Variants in TTN observed in about 807,000 individuals in gnomAD.
TTN encodes titin.
TTN carries 1,525 observed loss-of-function variants against 3,223.0 expected under a neutral mutation model. The ratio of observed to expected loss-of-function variants is 0.47; its 90% CI spans 0.45 to 0.49. The LOEUF (loss-of-function observed/expected upper bound fraction) is 0.49, where lower values mean the gene tolerates loss of function less well. TTN is among the 20% of genes least tolerant of loss of function. The pLI is 0.00. For missense variants in TTN, 40,786 were observed against 43,424.0 expected (o/e 0.94, Z 5.40); for synonymous variants, 14,094 against 15,161.0 (o/e 0.93, Z 5.17).
intron 1 of TTN, among the ~76,000 whole-genome samples, chr2:178,806,700 ATAAACTCTCC>A (rs1561556277): frequency 6.6e-6 from 1 of 152,218 alleles, no homozygotes; most frequent in African/African-American, 2.4e-5. Context: ...TGCTCTTAAA[ATAAACTCTCC>A]TAAACTCTCC....
rs1333936605 is a variant in TTN, at chr2:178,706,416, G to A, written c.29420+38C>T. 3 of 1,559,408 alleles carry A rather than the reference G, an allele frequency of 1.9e-6. No individual in the cohort carries two copies. The South Asian group carries it at 3.6e-5, about 19-fold the overall frequency. ...TGGATGCGGAACCCACTTATATGGA[G>A]GGCTGATTGTACGATTTGTGGTTTT... On this transcript the variant is annotated intron_variant, in intron 102 of 362. Transcript: ENST00000589042.
Position 178,603,902 on chromosome 2 carries a change from T to C in TTN, c.54785A>G (p.Asp18262Gly). Reference sequence around the variant, plus strand: ...TATGGGATCTCCTGCAACCTCTGGATCTGATGGTTCACTGGGAGGACCAAT... The same window carrying C: ...TATGGGATCTCCTGCAACCTCTGGACCTGATGGTTCACTGGGAGGACCAAT... ...AGIGPPSEPSDPEVAGDPIFP... is the reference protein window; with the variant it reads ...AGIGPPSEPSGPEVAGDPIFP... Residue 18262 changes from aspartate to glycine, a missense_variant, in exon 282 of 363, where the codon GAT becomes GGT. Coordinates refer to ENST00000589042, the MANE Select transcript of TTN (RefSeq NM_001267550.2). 1 of 1,609,446 alleles carries C rather than the reference T, an allele frequency of 6.2e-7. No individual in the cohort carries two copies. The highest frequency in any genetic ancestry group is 2.2e-5 in the East Asian group (1 of 44,642).
chr2:178,586,732 G>A lies in TTN; in HGVS notation c.64169C>T (p.Pro21390Leu), dbSNP rs763262121. ...GATTTTAGCACCTCCATCACGTAGG[G>A]GAGGTAACCAGGCTAAGGTGGCACT... Reference protein sequence around the residue: ...KNSATLAWLPPLRDGGAKIDG... With the variant: ...KNSATLAWLPLLRDGGAKIDG... The change falls in exon 308 of 363, where the codon CCC becomes CTC. Residue 21390 changes from proline (P) to leucine (L), a missense_variant. Coordinates refer to ENST00000589042, the MANE Select transcript of TTN (RefSeq NM_001267550.2). The A allele has an allele frequency of 6.2e-6, 10 of 1,612,986 alleles. No individual in the cohort carries two copies. The highest frequency in any genetic ancestry group is 7.6e-6 in the Non-Finnish European group (9 of 1,179,348).
At chr2:178,726,671 T>G (rs1205713634) in intron 69 of TTN, 1 of 155,046 alleles carries the variant, frequency 6.4e-6, no homozygotes, top group Non-Finnish European at 1.4e-5. Flanking sequence ...GTTTTAAACA[T>G]AAGTTTAAAA....
chr2:178,684,274 T>C, intron 132 of TTN, 56 bp downstream of exon 132: 1 of 1,565,528 alleles, frequency 6.4e-7, no homozygotes, highest in Non-Finnish European at 8.7e-7. Flanking sequence ...ACCAGTGTAT[T>C]TGGTAAAGAG....
At position 178,731,186 on chromosome 2, in the gene TTN, C is replaced by T. The variant is rs753975878; in HGVS notation, c.17479G>A (p.Glu5827Lys). The T allele has an allele frequency of 1.7e-5, 27 of 1,613,034 alleles. No homozygotes were observed. The highest frequency in any genetic ancestry group is 4.4e-5 in the South Asian group (4 of 91,024). The change falls in exon 60 of 363, where the codon GAG becomes AAG. Residue 5827 changes from glutamate (E) to lysine (K), a missense_variant. Coordinates refer to ENST00000589042, the MANE Select transcript of TTN (RefSeq NM_001267550.2). ...GTGACATCTATAGACACAGCTTCCT[C>T]GGTGATTGTTGCAGGTTCTGTAGAA... Reference protein sequence around the residue: ...LSVKEPATITEEAVSIDVTQG... With the variant: ...LSVKEPATITKEAVSIDVTQG...
At chr2:178,753,381 A>G (rs1161865565) in intron 46 of TTN, 5 of 459,190 alleles carry the variant, frequency 1.1e-5, no homozygotes, top group Non-Finnish European at 1.6e-5. Context: ...GATTTAAAAC[A>G]TTTTTATTTT....
In TTN at chr2:178,740,653, T is replaced by A. The variant is rs34618570; in HGVS notation, c.12580A>T (p.Ile4194Phe). ...IFPSAMSIEQ[I>F]NSLTVEPLKT... The stretch of plus-strand genomic sequence containing the variant: ...AGAGGCTCAACTGTTAATGAATTAA[T>A]TTGTTCTATGGACATGGCACTTGGG... The change falls in exon 48 of 363, where the codon ATT becomes TTT. Residue 4194 changes from isoleucine (I) to phenylalanine (F), a missense_variant. Physicochemically the swap from Ile to Phe is conservative, Grantham distance 21. Coordinates refer to ENST00000589042, the MANE Select transcript of TTN (RefSeq NM_001267550.2). 10,980 of 1,613,854 alleles carry A rather than the reference T, an allele frequency of 6.8e-3. 68 individuals are homozygous for A. Among genetic ancestry groups the A allele is most frequent in the Non-Finnish European group, 7.0e-3 (8,231 of 1,179,812 alleles).
At chr2:178,663,949 T>C in intron 169 of TTN, 47 bp from the exon 170 acceptor site, 1 of 1,611,802 alleles carries the variant, frequency 6.2e-7, no homozygotes, top group Non-Finnish European at 8.5e-7. Context: ...TGAAGACCGC[T>C]AGAAAAAAAT....
rs753861250 is a variant in TTN, at chr2:178,560,550, C to T, written c.85582G>A (p.Val28528Ile). 2.5e-6 allele frequency: 4 copies of T among 1,613,188 alleles called. No homozygotes were observed. The highest frequency in any genetic ancestry group is 3.3e-5 in the Admixed American group (2 of 59,940). ...GNEYIFRVTG[V>I]NKYGVGEPLE... ...GGCTCACCAACACCATATTTATTAACACCAGTTACTCTAAATATATATTCA... is the reference window on the plus strand; with the variant it reads ...GGCTCACCAACACCATATTTATTAATACCAGTTACTCTAAATATATATTCA... Residue 28528 changes from valine (V) to isoleucine (I), a missense_variant, in exon 326 of 363, where the codon GTT (valine) becomes ATT (isoleucine). Coordinates refer to ENST00000589042, the MANE Select transcript of TTN (RefSeq NM_001267550.2).
At chr2:178,780,506 C>T (rs2092671723) in intron 21 of TTN, among the ~76,000 whole-genome samples, 1 of 152,172 alleles carries the variant, frequency 6.6e-6, no homozygotes, top group Non-Finnish European at 1.5e-5. Context: ...CATTTACCTT[C>T]CTGAATATTG....
chr2:178,592,667 T>A lies in TTN; in HGVS notation c.59345-7A>T. The A allele has an allele frequency of 6.2e-7, 1 of 1,612,438 alleles. No homozygotes were observed. Among genetic ancestry groups the A allele is most frequent in the African/African-American group, 1.3e-5 (1 of 74,912 alleles). Reference sequence around the variant, plus strand: ...AGAATCAACTCAGGGGGTTCTAGAATAAAGAGAACAGAACACTCAGATTTG... The same window carrying A: ...AGAATCAACTCAGGGGGTTCTAGAAAAAAGAGAACAGAACACTCAGATTTG... On this transcript the variant is annotated splice_polypyrimidine_tract_variant and splice_region_variant and intron_variant, in intron 300 of 362. Coordinates refer to ENST00000589042, the MANE Select transcript of TTN (RefSeq NM_001267550.2).
intron 144 of TTN, 69 bp downstream of exon 144, chr2:178,678,345 A>C: frequency 6.7e-7 from 1 of 1,501,000 alleles, no homozygotes; most frequent in East Asian, 2.4e-5. Flanking sequence ...GTAATGGGGA[A>C]ATTTGTATGT....
chr2:178,785,152 T>C (rs896836693), intron 15 of TTN, among the ~76,000 whole-genome samples: 2 of 152,192 alleles, frequency 1.3e-5, no homozygotes, highest in African/African-American at 4.8e-5. Context: ...CCGACCACCA[T>C]ACAGTACCAC....
intron 338 of TTN, 45 bp downstream of exon 338, chr2:178,549,525 G>C: frequency 6.3e-7 from 1 of 1,593,588 alleles, no homozygotes; most frequent in Non-Finnish European, 8.6e-7. Context: ...TGCTTGGAAG[G>C]TTAAACTTTT....
Position 178,589,211 on chromosome 2 carries a change from A to G in TTN, c.62514T>C (p.Asp20838=), listed in dbSNP as rs760758252. Residue 20838 remains aspartate (D), a synonymous_variant, in exon 304 of 363, where the codon GAT becomes GAC. Coordinates refer to ENST00000589042, the MANE Select transcript of TTN (RefSeq NM_001267550.2). ...TTGCCGTAACTACATATTTACCCCC[A>G]TCACTTCGCTTTGCTTTAGTAAGAG... ...KFSLTKAKRS[D]GGKYVVTATN... 3 of 1,613,494 alleles carry G rather than the reference A, an allele frequency of 1.9e-6. No homozygotes were observed. Among genetic ancestry groups the G allele is most frequent in the Non-Finnish European group, 2.5e-6 (3 of 1,179,618 alleles).
chr2:178,704,933 C>T lies in TTN; in HGVS notation c.29638G>A (p.Glu9880Lys), dbSNP rs532933900. ...IEEIERSERD[E>K]KEFEELVSFI... The stretch of plus-strand genomic sequence containing the variant: ...GATACAAGTTCCTCAAATTCCTTTT[C>T]GTCCCTCTCTGACCTCTCTATTTCC... The change falls in exon 104 of 363, where the codon GAA becomes AAA. Residue 9880 changes from glutamate to lysine, a missense_variant. Coordinates refer to ENST00000589042, the MANE Select transcript of TTN (RefSeq NM_001267550.2). 48 of 1,613,128 alleles carry T rather than the reference C, an allele frequency of 3.0e-5. No individual in the cohort carries two copies. Among genetic ancestry groups the T allele is most frequent in the Middle Eastern group, 1.8e-4 (1 of 5,582 alleles).
At chr2:178,646,356 C>CA in intron 216 of TTN, 129 bp downstream of exon 216, 2 of 562,018 alleles carry the variant, frequency 3.6e-6, no homozygotes, top group Non-Finnish European at 5.9e-6. Context: ...ATGAGGCTCA[C>CA]ATTTACAACA....
chr2:178,737,837 A>T (rs2081794383), intron 49 of TTN: 2 of 411,708 alleles, frequency 4.9e-6, no homozygotes, highest in African/African-American at 4.0e-5. Context: ...AGCTGAGCTC[A>T]TTTGATTACT....
Sources: allele counts gnomAD v4.1 joint callset (sites outside exome capture counted in the v4.1 genomes callset), GRCh38; gene constraint gnomAD v4.1.1; transcripts MANE v1.5; gene names NCBI Gene and HGNC (gene_info 2026-07-23, HGNC 2026-07-21).